PORCN: variants seen among roughly 807,000 people sequenced by gnomAD.
PORCN encodes the protein porcupine O-acyltransferase.
PORCN carries 1 observed loss-of-function variant against 43.0 expected under a neutral mutation model. The ratio of observed to expected loss-of-function variants is 0.02; its 90% CI spans 0.01 to 0.11. PORCN has a LOEUF of 0.11. PORCN is among the 10% of genes least tolerant of loss of function. The pLI is 1.00. For synonymous variants in PORCN, 148 were observed against 166.4 expected, an observed-to-expected ratio of 0.89 and a Z score of 0.85; for missense variants, 240 against 392.1, an observed-to-expected ratio of 0.61 and a Z score of 3.28.
In PORCN at chrX:48,514,565, C is replaced by A. The variant is rs1556974828; in HGVS notation, c.886C>A (p.Arg296=). The A allele has an allele frequency of 8.3e-7, 1 of 1,211,868 alleles. No individual in the cohort carries two copies. Among genetic ancestry groups the A allele is most frequent in the Non-Finnish European group, 1.1e-6 (1 of 895,334 alleles). The stretch of plus-strand genomic sequence containing the variant: ...CAAGCCACTGAATGTGGAGCTGCCT[C>A]GGTCAATGGTGGAAGTTGTCACAAG... ...VSKPLNVELP[R]SMVEVVTSWN... Residue 296 remains arginine, a synonymous_variant, in exon 10 of 15, where the codon CGG becomes AGG. Transcript: ENST00000326194.
intron 7 of PORCN, 63 bp from the exon 8 acceptor site, chrX:48,514,064 C>T (rs2061695945): frequency 8.5e-7 from 1 of 1,177,203 alleles, no homozygotes; most frequent in South Asian, 1.8e-5. Flanking sequence ...GACCAGCCTC[C>T]AGGGCCTCTC....
In PORCN at chrX:48,514,121, C is replaced by T. The variant is rs2061696554; in HGVS notation, c.705-6C>T. 1.7e-6 allele frequency: 2 copies of T among 1,209,840 alleles called. No individual in the cohort carries two copies. Among genetic ancestry groups the T allele is most frequent in the Admixed American group, 4.4e-5 (2 of 45,812 alleles). On this transcript the variant is annotated splice_polypyrimidine_tract_variant and splice_region_variant and intron_variant, in intron 7 of 14. Coordinates refer to ENST00000326194, the MANE Select transcript of PORCN (RefSeq NM_203475.3). ...CTGCTGCCTTCCTGACCCCTGGGGG[C>T]CCTAGGGGCACCATGGTAAGGTGAG...
At chrX:48,514,474 G>A (rs1556974772) in intron 9 of PORCN, 51 bp from the exon 10 acceptor site, 5 of 1,187,035 alleles carry the variant, frequency 4.2e-6, no homozygotes, top group Non-Finnish European at 5.7e-6. Flanking sequence ...AAGTGTGGCG[G>A]TCAGATGAGT....
At chrX:48,512,279 C>T (rs2061682087) in intron 4 of PORCN, 47 bp from the exon 5 acceptor site, 1 of 1,190,229 alleles carries the variant, frequency 8.4e-7, no homozygotes. Context: ...CCTTGCCATG[C>T]TGATCTGCTC....
intron 1 of PORCN, chrX:48,509,458 C>A (rs1556973348): frequency 2.2e-6 from 2 of 911,016 alleles, no homozygotes; most frequent in South Asian, 2.2e-5. Flanking sequence ...GATTCCCCTT[C>A]CCGTCGCCCG....
chrX:48,511,264 C>T (rs1556973810), intron 2 of PORCN, 31 bp from the exon 3 acceptor site: 1 of 998,853 alleles, frequency 1.0e-6, no homozygotes, highest in Non-Finnish European at 1.3e-6. Flanking sequence ...CTCGTTCTCT[C>T]TCTCCCTTTC....
In PORCN at chrX:48,513,658, C is replaced by T. The variant is rs938925323; in HGVS notation, c.705-469C>T. ...ACTTCAGAACCTATGCTTTTTCCAA[C>T]GCAGGATGCTGCCTGTTTTTGACCA... On this transcript the variant is annotated intron_variant, in intron 7 of 14. Coordinates refer to ENST00000326194, the MANE Select transcript of PORCN (RefSeq NM_203475.3). 4.4e-5 allele frequency among the ~76,000 whole-genome samples: 5 copies of T among 112,714 alleles called. No homozygotes were observed. In the East Asian group the frequency reaches 1.1e-3, roughly 25 times the overall value.
intron 4 of PORCN, 183 bp downstream of exon 4, chrX:48,512,118 T>C (rs1197326628): frequency 1.3e-5 from 7 of 544,931 alleles, no homozygotes; most frequent in African/African-American, 9.2e-5. Flanking sequence ...TCCCGAAGTC[T>C]GTCTGTCTCG....
intron 7 of PORCN, 62 bp downstream of exon 7, chrX:48,512,914 A>T: frequency 8.6e-7 from 1 of 1,158,917 alleles, no homozygotes; most frequent in Non-Finnish European, 1.2e-6. Flanking sequence ...GGCAGAGCCC[A>T]TGACCAATGG....
In PORCN at chrX:48,520,526, C is replaced by CA. The variant is rs2061752715; in HGVS notation, c.*51dup. On this transcript the variant is annotated 3_prime_UTR_variant, in exon 15 of 15. Transcript: ENST00000326194. ...CCTCTTAAGACCCCTCTCAGGGTGC[C>CA]ACTGATGGGGGATGAGGGAAGGCCC... The CA allele has an allele frequency of 1.0e-6, 1 of 990,286 alleles. No homozygotes were observed. The highest frequency in any genetic ancestry group is 2.2e-5 in the Admixed American group (1 of 45,066). The allele number at this position is 990,286 out of a possible 1,213,427, so 81.6% of individuals were successfully genotyped here.
chrX:48,511,242 TTCTC>T (rs1410589105), intron 2 of PORCN, 49 bp from the exon 3 acceptor site: 6 of 748,707 alleles, frequency 8.0e-6, no homozygotes, highest in African/African-American at 4.4e-5. Flanking sequence ...CTCCCTCTCT[TTCTC>T]TCTCTTTCTC....
At chrX:48,520,233 G>C (rs1410206975) in intron 14 of PORCN, 142 bp from the exon 15 acceptor site, 1 of 502,404 alleles carries the variant, frequency 2.0e-6, no homozygotes, top group Non-Finnish European at 3.6e-6. Flanking sequence ...AACTATATCT[G>C]GTCACCTTTC....
chrX:48,515,812 G>A lies in PORCN; in HGVS notation c.1023+19G>A. The A allele has an allele frequency of 9.2e-7, 1 of 1,084,428 alleles. No homozygotes were observed. The allele number at this position is 1,084,428 out of a possible 1,213,427, so 89.4% of individuals were successfully genotyped here. ...CCTACATGTGAGCAGGGTGGAGCAG[G>A]ATCAGGGTGGAAGCTGGGTGGGGGC... On this transcript the variant is annotated intron_variant, in intron 11 of 14. Coordinates refer to ENST00000326194, the MANE Select transcript of PORCN (RefSeq NM_203475.3).
chrX:48,514,431 G>A (rs1477169345), intron 9 of PORCN, 66 bp downstream of exon 9: 21 of 1,189,032 alleles, frequency 1.8e-5, no homozygotes, highest in East Asian at 3.0e-5. Context: ...GGAGGAGGGC[G>A]GGTGCTCCCA....
chrX:48,517,129 G>A, intron 13 of PORCN, 54 bp from the exon 14 acceptor site: 1 of 954,051 alleles, frequency 1.0e-6, no homozygotes, highest in Non-Finnish European at 1.5e-6. Context: ...GCAGGAGGAG[G>A]TGGGACACAG....
At chrX:48,515,561 G>C in intron 10 of PORCN, 156 bp from the exon 11 acceptor site, 5 of 507,990 alleles carry the variant, frequency 9.8e-6, no homozygotes, top group Non-Finnish European at 1.8e-5. Context: ...TGGGAAGATC[G>C]GGAGCTGGGC....
Position 48,520,391 on chromosome X carries a change from A to G in PORCN, c.1301A>G (p.Tyr434Cys). ...CTCCCACAGGGCTACGGCATGGCAT[A>G]CACTGTCCACAAGTGGTCAGAGCTC... Reference protein sequence around the residue: ...TTEEQGYGMAYTVHKWSELSW... With the variant: ...TTEEQGYGMACTVHKWSELSW... The change falls in exon 15 of 15, where the codon TAC becomes TGC. Residue 434 changes from tyrosine (Y) to cysteine (C), a missense_variant. Tyr to Cys is a radical substitution (Grantham distance 194). Coordinates refer to ENST00000326194, the MANE Select transcript of PORCN (RefSeq NM_203475.3). The G allele has an allele frequency of 8.3e-7, 1 of 1,206,988 alleles. No individual in the cohort carries two copies. The highest frequency in any genetic ancestry group is 1.1e-6 in the Non-Finnish European group (1 of 891,389).
intron 1 of PORCN, chrX:48,509,374 G>T: frequency 7.9e-6 from 3 of 377,925 alleles, no homozygotes; most frequent in South Asian, 3.3e-5. Flanking sequence ...AAGGAGAGAT[G>T]CACACGGCCC....
intron 14 of PORCN, among the ~76,000 whole-genome samples, chrX:48,518,418 G>A (rs782712198): frequency 1.1e-4 from 12 of 109,414 alleles, no homozygotes; most frequent in Middle Eastern, 4.8e-3. Flanking sequence ...ATGGGATTTC[G>A]TCATGTTGGC....
Sources: gnomAD v4.1 joint callset for allele counts (sites outside exome capture counted in the v4.1 genomes callset) on GRCh38, gnomAD v4.1.1 for gene constraint, MANE v1.5 for transcripts, NCBI Gene and HGNC (gene_info 2026-07-23, HGNC 2026-07-21) for gene names.